The following IFT52 variants were observed in gnomAD, a reference collection of about 807,000 sequenced individuals.
The protein encoded by IFT52 is intraflagellar transport 52, also known as intraflagellar transport protein 52 homolog.
In IFT52, 44 loss-of-function variants were observed where a neutral mutation model predicts 54.4. That is an observed-to-expected ratio of 0.81 (90% CI 0.63 to 1.04). The LOEUF is 1.04. Ranked by LOEUF, IFT52 falls within the 50% of genes least tolerant of loss-of-function variation. The pLI is 0.00. For synonymous variants in IFT52, 181 were observed against 185.3 expected, an observed-to-expected ratio of 0.98 and a Z score of 0.19; for missense variants, 452 against 523.6, an observed-to-expected ratio of 0.86 and a Z score of 1.33.
At chr20:43,642,394 A>G in intron 12 of IFT52, 85 bp from the exon 13 acceptor site, 1 of 1,228,378 alleles carries the variant, frequency 8.1e-7, no homozygotes, top group Non-Finnish European at 1.2e-6. Context: ...GAAACATGAC[A>G]GGGCATACCT....
At chr20:43,629,263 G>T (rs972448678) in intron 10 of IFT52, among the ~76,000 whole-genome samples, 20 of 151,958 alleles carry the variant, frequency 1.3e-4, no homozygotes, top group Non-Finnish European at 2.5e-4. Flanking sequence ...GTACGTTTTT[G>T]TTTTTTTGTT....
chr20:43,642,670 T>C, intron 13 of IFT52, 46 bp downstream of exon 13: 2 of 1,582,066 alleles, frequency 1.3e-6, no homozygotes, highest in Non-Finnish European at 1.7e-6. Flanking sequence ...CCTCCAGTAC[T>C]GGTATCTTCC....
chr20:43,630,873 T>C (rs189215073), intron 10 of IFT52, among the ~76,000 whole-genome samples: 11 of 152,282 alleles, frequency 7.2e-5, no homozygotes, highest in Admixed American at 5.2e-4. Flanking sequence ...GGTAGGAGGA[T>C]AATTAGGGCA....
In IFT52 at chr20:43,620,875, C is replaced by A; in HGVS notation, c.718C>A (p.Leu240Ile). 6.2e-7 allele frequency: 1 copy of A among 1,610,794 alleles called. No individual in the cohort carries two copies. Among genetic ancestry groups the A allele is most frequent in the Non-Finnish European group, 8.5e-7 (1 of 1,178,414 alleles). Residue 240 changes from leucine (L) to isoleucine (I), a missense_variant, in exon 9 of 14, where the codon CTC becomes ATC. By Grantham distance (5) the Leu-to-Ile change is conservative. Coordinates refer to ENST00000373030, the MANE Select transcript of IFT52 (RefSeq NM_016004.5). The stretch of plus-strand genomic sequence containing the variant: ...AATTTAGGATGTTGTTTTCCAGTGG[C>A]TCACGACAGGAGACATCCACCTAAA... The part of the protein sequence containing the change: ...SKIMDVVFQW[L>I]TTGDIHLNQI...
chr20:43,617,266 T>C (rs1983928212), intron 7 of IFT52, among the ~76,000 whole-genome samples: 1 of 152,182 alleles, frequency 6.6e-6, no homozygotes, highest in Non-Finnish European at 1.5e-5. Flanking sequence ...TCAGCAACAA[T>C]GTGTGAAAGA....
At chr20:43,604,771 T>C (rs117694008) in intron 5 of IFT52, among the ~76,000 whole-genome samples, 1 of 152,224 alleles carries the variant, frequency 6.6e-6, no homozygotes, top group East Asian at 1.9e-4. Flanking sequence ...TTTTGAAACT[T>C]ACTTCACATT....
At chr20:43,595,880 C>T (rs1404837255) in intron 2 of IFT52, among the ~76,000 whole-genome samples, 1 of 152,082 alleles carries the variant, frequency 6.6e-6, no homozygotes, top group Non-Finnish European at 1.5e-5. Flanking sequence ...GAGGGAGACT[C>T]TGTCAAAAAC....
intron 6 of IFT52, among the ~76,000 whole-genome samples, chr20:43,610,763 A>T (rs894688898): frequency 6.6e-6 from 1 of 151,932 alleles, no homozygotes; most frequent in African/African-American, 2.4e-5. Context: ...AAAAAAAAGG[A>T]ATCAATCTAA....
chr20:43,613,708 G>T (rs909700152), intron 6 of IFT52, 142 bp from the exon 7 acceptor site: 16 of 745,864 alleles, frequency 2.1e-5, no homozygotes, highest in Non-Finnish European at 3.6e-5. Context: ...AGTGAGCCAA[G>T]ATCGCACCAC....
intron 10 of IFT52, 89 bp from the exon 11 acceptor site, chr20:43,635,837 A>G: frequency 1.7e-6 from 2 of 1,162,046 alleles, no homozygotes; most frequent in Non-Finnish European, 2.5e-6. Flanking sequence ...GAACCACTGT[A>G]TTTCATGGAG....
rs1396674045 is a variant in IFT52, at chr20:43,620,941, T to A, written c.768+16T>A. 1 of 1,587,438 alleles carries A rather than the reference T, an allele frequency of 6.3e-7. No homozygotes were observed. Among genetic ancestry groups the A allele is most frequent in the African/African-American group, 1.3e-5 (1 of 74,194 alleles). ...GGACCCAGAGGTAGACACCGAATTA[T>A]TAGAAACTTTTAAATGAAAAATGAG... On this transcript the variant is annotated intron_variant, in intron 9 of 13. Coordinates refer to ENST00000373030, the MANE Select transcript of IFT52 (RefSeq NM_016004.5).
chr20:43,630,312 T>G (rs1226426720), intron 10 of IFT52, among the ~76,000 whole-genome samples: 3 of 152,224 alleles, frequency 2.0e-5, no homozygotes, highest in Admixed American at 6.5e-5. Context: ...ATCATTATGA[T>G]AATTCTTCAG....
At chr20:43,601,439 G>C (rs192098898) in intron 3 of IFT52, among the ~76,000 whole-genome samples, 1 of 152,344 alleles carries the variant, frequency 6.6e-6, no homozygotes, top group African/African-American at 2.4e-5. Flanking sequence ...TCTTTTGTTA[G>C]AAGGGTCTCA....
At chr20:43,625,798 A>G (rs60288196) in intron 10 of IFT52, among the ~76,000 whole-genome samples, 1,676 of 152,044 alleles carry the variant, frequency 0.011, 23 homozygotes, top group African/African-American at 0.03. Context: ...ACTCTGGGTG[A>G]AAAGAGGAGC....
At position 43,603,729 on chromosome 20, in the gene IFT52, T is replaced by C. The variant is rs1464373795; in HGVS notation, c.208-31T>C. 1.9e-6 allele frequency: 3 copies of C among 1,601,704 alleles called. No individual in the cohort carries two copies. In the East Asian group the frequency reaches 6.7e-5, roughly 36 times the overall value. On this transcript the variant is annotated intron_variant, in intron 3 of 13. Transcript: ENST00000373030. ...ATTTCGGGCAAAAGTCTTTCAAGTA[T>C]ATTCATAGATTGCTTTTTTCCTTTG...
chr20:43,596,336 C>A, intron 2 of IFT52, 99 bp from the exon 3 acceptor site: 1 of 699,228 alleles, frequency 1.4e-6, no homozygotes, highest in Non-Finnish European at 2.4e-6. Flanking sequence ...ATCTCTGAGC[C>A]TCTGTGGCCT....
chr20:43,614,050 C>T, intron 7 of IFT52, 74 bp downstream of exon 7: 1 of 1,394,392 alleles, frequency 7.2e-7, no homozygotes, highest in Non-Finnish European at 1.0e-6. Context: ...TTACCATTTC[C>T]AGAAGGCTTC....
At position 43,596,472 on chromosome 20, in the gene IFT52, G is replaced by A. The variant is rs137979762; in HGVS notation, c.157G>A (p.Val53Met). The change falls in exon 3 of 14, where the codon GTG (valine) becomes ATG (methionine). Residue 53 changes from valine (V) to methionine (M), a missense_variant. Coordinates refer to ENST00000373030, the MANE Select transcript of IFT52 (RefSeq NM_016004.5). ...DEITSEKLNG[V>M]KLWITAGPRE... ...AATCACATCTGAGAAGTTAAATGGA[G>A]TGAAACTGTGGATTACAGCTGGGCC... 7.7e-5 allele frequency: 123 copies of A among 1,607,554 alleles called. No homozygotes were observed. The African/African-American group carries it at 1.6e-3, about 21-fold the overall frequency.
At chr20:43,606,585 G>A (rs1214361852) in intron 6 of IFT52, among the ~76,000 whole-genome samples, 1 of 151,680 alleles carries the variant, frequency 6.6e-6, no homozygotes, top group Non-Finnish European at 1.5e-5. Context: ...GTGCACTTGT[G>A]GTAGTATTTT....
Sources: gnomAD v4.1 joint callset for allele counts (sites outside exome capture counted in the v4.1 genomes callset) on GRCh38, gnomAD v4.1.1 for gene constraint, MANE v1.5 for transcripts, NCBI Gene and HGNC (gene_info 2026-07-23, HGNC 2026-07-21) for gene names.